Variants in FHIP2A observed in about 807,000 individuals in gnomAD.
FHIP2A encodes the protein FHF complex subunit HOOK interacting protein 2A.
FHIP2A carries 46 observed loss-of-function variants against 93.5 expected under a neutral mutation model. The ratio of observed to expected loss-of-function variants is 0.49; its 90% CI spans 0.39 to 0.63. The LOEUF is 0.63. Among genes scored for constraint, FHIP2A ranks in the 20% least tolerant of loss-of-function variants. FHIP2A has a pLI of 0.00. For missense variants in FHIP2A, 769 were observed against 909.7 expected, an observed-to-expected ratio of 0.85 and a Z score of 1.99; for synonymous variants, 332 against 326.5, an observed-to-expected ratio of 1.02 and a Z score of -0.18.
At chr10:114,867,404 T>G (rs1004679309), downstream of FHIP2A, among the ~76,000 whole-genome samples, 2 of 152,168 alleles carry the variant, frequency 1.3e-5, no homozygotes, top group Non-Finnish European at 2.9e-5. Context: ...TGATTTATGA[T>G]CTCTTTCTAA....
chr10:114,880,692 C>T (rs1437130508), intron 16 of FHIP2A, among the ~76,000 whole-genome samples: 1 of 151,796 alleles, frequency 6.6e-6, no homozygotes, highest in African/African-American at 2.4e-5. Context: ...CACACACACA[C>T]ACACACACAC....
intron 16 of FHIP2A, among the ~76,000 whole-genome samples, chr10:114,883,865 C>G (rs1380611963): frequency 1.3e-5 from 2 of 152,292 alleles, no homozygotes; most frequent in South Asian, 2.1e-4. Flanking sequence ...CGGGTATGAG[C>G]CACCATGCCC....
chr10:114,858,190 C>T (rs897302026), intron 14 of FHIP2A, among the ~76,000 whole-genome samples: 4 of 152,118 alleles, frequency 2.6e-5, no homozygotes, highest in African/African-American at 9.7e-5. Flanking sequence ...TAGATATAAA[C>T]ACTTAACTAC....
At chr10:114,855,448 T>A (rs2143012608) in intron 14 of FHIP2A, 108 bp downstream of exon 14, 1 of 959,446 alleles carries the variant, frequency 1.0e-6, no homozygotes, top group East Asian at 2.6e-5. Context: ...GTTTTCTTAC[T>A]TTTTCCACTG....
At chr10:114,850,103 G>A (rs924726984) in intron 13 of FHIP2A, among the ~76,000 whole-genome samples, 4 of 152,062 alleles carry the variant, frequency 2.6e-5, no homozygotes, top group African/African-American at 4.8e-5. Flanking sequence ...CGGGTTTTCC[G>A]TTTTCTTGGG....
chr10:114,833,086 A>C (rs1404750065), intron 2 of FHIP2A, 147 bp from the exon 3 acceptor site: 1 of 604,530 alleles, frequency 1.7e-6, no homozygotes, highest in African/African-American at 1.9e-5. Flanking sequence ...TAGCAGAGAT[A>C]ATCATACTGT....
intron 16 of FHIP2A, among the ~76,000 whole-genome samples, chr10:114,871,619 A>G (rs1432042599): frequency 6.6e-6 from 1 of 152,088 alleles, no homozygotes; most frequent in South Asian, 2.1e-4. Context: ...CCTCTATTAC[A>G]TAATTGCTAT....
Position 114,843,825 on chromosome 10 carries a change from C to G in FHIP2A, c.901C>G (p.Gln301Glu), listed in dbSNP as rs901637520. The G allele has an allele frequency of 3.7e-6, 6 of 1,611,310 alleles. No homozygotes were observed. The highest frequency in any genetic ancestry group is 3.3e-4 in the Middle Eastern group (2 of 6,070). Residue 301 changes from glutamine to glutamate, a missense_variant, in exon 7 of 17, where the codon CAG (glutamine) becomes GAG (glutamate). Coordinates refer to ENST00000369248, the MANE Select transcript of FHIP2A (RefSeq NM_020940.4). The part of the protein sequence containing the change: ...PEPAAAKCLT[Q>E]STCLCELLTD... ...GCCTGCGGCTGCAAAGTGCCTTACA[C>G]AGAGCACTTGCTTGTGTGAACTACT... is the stretch of plus-strand genomic sequence containing the variant.
intron 1 of FHIP2A, among the ~76,000 whole-genome samples, chr10:114,828,558 G>T (rs1362403945): frequency 6.6e-6 from 1 of 152,128 alleles, no homozygotes; most frequent in Non-Finnish European, 1.5e-5. Flanking sequence ...TAGAAGTCAG[G>T]TCCAAAAAAA....
chr10:114,857,119 A>G (rs1044288517), intron 14 of FHIP2A, among the ~76,000 whole-genome samples: 2 of 151,752 alleles, frequency 1.3e-5, no homozygotes, highest in African/African-American at 4.8e-5. Context: ...AAATTAAAAC[A>G]CAAACAAAAA....
chr10:114,891,638 G>A (rs1036616546), intron 16 of FHIP2A, among the ~76,000 whole-genome samples: 1 of 147,906 alleles, frequency 6.8e-6, no homozygotes, highest in Non-Finnish European at 1.5e-5. Flanking sequence ...TTTTTTTGAG[G>A]TGGAGGCTTG....
downstream of FHIP2A, among the ~76,000 whole-genome samples, chr10:114,866,228 G>T (rs968764468): frequency 6.6e-6 from 1 of 151,170 alleles, no homozygotes; most frequent in African/African-American, 2.4e-5. Context: ...TTGGTTTTCT[G>T]TTCCTGCGTT....
chr10:114,846,134 ATGT>A, intron 9 of FHIP2A, 38 bp from the exon 10 acceptor site: 1 of 1,612,942 alleles, frequency 6.2e-7, no homozygotes, highest in Non-Finnish European at 8.5e-7. Flanking sequence ...TCACTGTGTC[ATGT>A]TATTTTTGCC....
intron 16 of FHIP2A, among the ~76,000 whole-genome samples, chr10:114,889,958 C>G (rs1031433318): frequency 6.6e-6 from 1 of 152,222 alleles, no homozygotes; most frequent in Non-Finnish European, 1.5e-5. Context: ...CGGAGCCAAC[C>G]CCACAGTGAC....
chr10:114,856,926 C>G (rs1400807672), intron 14 of FHIP2A, among the ~76,000 whole-genome samples: 5 of 152,054 alleles, frequency 3.3e-5, no homozygotes, highest in Admixed American at 3.3e-4. Flanking sequence ...GGAGCCCCGT[C>G]TGAAACCTTT....
At position 114,847,109 on chromosome 10, in the gene FHIP2A, T is replaced by C. The variant is rs1043470089; in HGVS notation, c.1588T>C (p.Leu530=). 1 of 1,611,526 alleles carries C rather than the reference T, an allele frequency of 6.2e-7. No homozygotes were observed. The highest frequency in any genetic ancestry group is 8.5e-7 in the Non-Finnish European group (1 of 1,178,492). ...AGAVDLEEDP[L]FTDISPENTL... is the part of the protein sequence containing the mutation. ...ACTTAGAGATCTGGAAGAAGATCCA[T>C]TATTTACTGACATTTCACCAGAAAA... The change falls in exon 12 of 17, where the codon TTA becomes CTA. Residue 530 remains leucine, a synonymous_variant. Transcript: ENST00000369248.
At chr10:114,843,666 T>C (rs996929263) in intron 6 of FHIP2A, 75 bp from the exon 7 acceptor site, 33 of 1,146,138 alleles carry the variant, frequency 2.9e-5, no homozygotes, top group Non-Finnish European at 3.7e-5. Context: ...ATTAAATCCT[T>C]TTATGTTGAA....
intron 5 of FHIP2A, among the ~76,000 whole-genome samples, chr10:114,841,423 G>C (rs2083668329): frequency 6.6e-6 from 1 of 151,564 alleles, no homozygotes; most frequent in South Asian, 2.1e-4. Context: ...CTCCCTGGTA[G>C]CTGGGATTGC....
At chr10:114,844,027 T>A in intron 7 of FHIP2A, 90 bp downstream of exon 7, 2 of 1,077,800 alleles carry the variant, frequency 1.9e-6, no homozygotes, top group Non-Finnish European at 2.6e-6. Context: ...GGTAGAAGTC[T>A]TTGAAAAATT....
Sources: allele counts gnomAD v4.1 joint callset (sites outside exome capture counted in the v4.1 genomes callset), GRCh38; gene constraint gnomAD v4.1.1; transcripts MANE v1.5; gene names NCBI Gene and HGNC (gene_info 2026-07-23, HGNC 2026-07-21).